CMTM8: variants seen among roughly 807,000 people sequenced by gnomAD.
The protein encoded by CMTM8 is CKLF-like MARVEL transmembrane domain-containing protein 8.
In CMTM8, 12 loss-of-function variants were observed where a neutral mutation model predicts 18.6. The ratio of observed to expected loss-of-function variants is 0.65; its 90% CI spans 0.41 to 1.05. CMTM8 has a LOEUF of 1.05. Ranked by LOEUF, CMTM8 falls within the 50% of genes least tolerant of loss-of-function variation. The pLI, the probability that CMTM8 is intolerant of heterozygous loss-of-function variation, is 0.00. For synonymous variants in CMTM8, 87 were observed against 90.6 expected, an observed-to-expected ratio of 0.96 and a Z score of 0.23; for missense variants, 217 against 227.2, an observed-to-expected ratio of 0.95 and a Z score of 0.29.
At chr3:32,260,867 C>A (rs1702247520) in intron 1 of CMTM8, among the ~76,000 whole-genome samples, 1 of 152,014 alleles carries the variant, frequency 6.6e-6, no homozygotes, top group African/African-American at 2.4e-5. Context: ...TCAGCTATTT[C>A]TTTGTCTCAG....
At chr3:32,290,449 T>A (rs1702760346) in intron 1 of CMTM8, among the ~76,000 whole-genome samples, 1 of 152,212 alleles carries the variant, frequency 6.6e-6, no homozygotes. Context: ...ATAATTCAAA[T>A]CACAATTTTG....
chr3:32,363,983 G>C (rs1033105532), intron 2 of CMTM8, among the ~76,000 whole-genome samples: 2 of 152,202 alleles, frequency 1.3e-5, no homozygotes, highest in Non-Finnish European at 2.9e-5. Context: ...CTTCTGTCAA[G>C]CATGAGTGTC....
intron 1 of CMTM8, among the ~76,000 whole-genome samples, chr3:32,285,174 A>G (rs1225545273): frequency 1.3e-5 from 2 of 152,188 alleles, no homozygotes; most frequent in African/African-American, 4.8e-5. Context: ...AGTAAAAAGC[A>G]GGGACCTTGC....
intron 1 of CMTM8, among the ~76,000 whole-genome samples, chr3:32,342,180 G>A (rs1372920504): frequency 1.3e-5 from 2 of 152,112 alleles, no homozygotes; most frequent in Non-Finnish European, 2.9e-5. Flanking sequence ...CCCAGGAGGC[G>A]GAGGTTGCAG....
chr3:32,281,419 C>T (rs2125550028), intron 1 of CMTM8, among the ~76,000 whole-genome samples: 1 of 152,176 alleles, frequency 6.6e-6, no homozygotes, highest in East Asian at 1.9e-4. Flanking sequence ...GGAGGGAAAT[C>T]TTACCTTTTT....
At chr3:32,308,424 C>G (rs1213170718) in intron 1 of CMTM8, among the ~76,000 whole-genome samples, 5 of 152,234 alleles carry the variant, frequency 3.3e-5, no homozygotes, top group Admixed American at 3.3e-4. Flanking sequence ...TGCAGGAGAG[C>G]TCTTGAGCAC....
intron 1 of CMTM8, among the ~76,000 whole-genome samples, chr3:32,327,122 A>AG (rs1354569462): frequency 6.6e-6 from 1 of 152,126 alleles, no homozygotes; most frequent in Non-Finnish European, 1.5e-5. Flanking sequence ...TTAAAAAAAA[A>AG]AAAAAATGGA....
At chr3:32,346,548 C>T (rs1305395800) in intron 1 of CMTM8, among the ~76,000 whole-genome samples, 1 of 152,188 alleles carries the variant, frequency 6.6e-6, no homozygotes, top group Non-Finnish European at 1.5e-5. Flanking sequence ...CAGCCACCTT[C>T]TTGCTGTGTC....
intron 1 of CMTM8, among the ~76,000 whole-genome samples, chr3:32,334,866 T>G (rs907614952): frequency 1.1e-4 from 16 of 152,120 alleles, no homozygotes; most frequent in African/African-American, 3.9e-4. Flanking sequence ...CGCTCATGCC[T>G]GCCCTCCACT....
intron 1 of CMTM8, among the ~76,000 whole-genome samples, chr3:32,273,075 A>G (rs1307526602): frequency 6.6e-6 from 1 of 152,066 alleles, no homozygotes; most frequent in Non-Finnish European, 1.5e-5. Context: ...AAGGATGGGT[A>G]TAATTAAAAA....
At chr3:32,262,879 C>T (rs928236363) in intron 1 of CMTM8, among the ~76,000 whole-genome samples, 1 of 151,998 alleles carries the variant, frequency 6.6e-6, no homozygotes, top group African/African-American at 2.4e-5. Flanking sequence ...TTTTCACACA[C>T]TCAGCAATGA....
At chr3:32,310,971 A>G (rs1695809074) in intron 1 of CMTM8, among the ~76,000 whole-genome samples, 1 of 152,258 alleles carries the variant, frequency 6.6e-6, no homozygotes, top group South Asian at 2.1e-4. Flanking sequence ...CTGTCTTTCA[A>G]CAAGTGAATG....
At chr3:32,330,590 A>C (rs1009811893) in intron 1 of CMTM8, among the ~76,000 whole-genome samples, 2 of 152,222 alleles carry the variant, frequency 1.3e-5, no homozygotes, top group Non-Finnish European at 2.9e-5. Flanking sequence ...AACAGAATAG[A>C]GAGCCCAGTA....
chr3:32,244,730 T>C (rs1478450935), intron 1 of CMTM8, among the ~76,000 whole-genome samples: 1 of 152,200 alleles, frequency 6.6e-6, no homozygotes. Flanking sequence ...AACTAATGTG[T>C]TTCTAGGGTT....
At position 32,363,939 on chromosome 3, in the gene CMTM8, T is replaced by C. The variant is rs114019643; in HGVS notation, c.322-3933T>C. The stretch of plus-strand genomic sequence containing the variant: ...GGGATTCTTAGCCAGCATCAGCCTG[T>C]ACCTTTTCCTCAGCCTTTGCCCAGA... On this transcript the variant is annotated intron_variant, in intron 2 of 3. Transcript: ENST00000307526. 3.6e-3 allele frequency among the ~76,000 whole-genome samples: 541 copies of C among 152,318 alleles called. 1 individual carries two copies. The highest frequency in any genetic ancestry group is 0.013 in the African/African-American group (520 of 41,552).
At chr3:32,296,495 C>T (rs1185076239) in intron 1 of CMTM8, among the ~76,000 whole-genome samples, 1 of 152,206 alleles carries the variant, frequency 6.6e-6, no homozygotes. Flanking sequence ...CCAGCCCAGT[C>T]GGAACCTGTT....
At chr3:32,306,649 C>A (rs796501936) in intron 1 of CMTM8, among the ~76,000 whole-genome samples, 6 of 152,244 alleles carry the variant, frequency 3.9e-5, no homozygotes, top group African/African-American at 1.2e-4. Context: ...ATTGCTGAGG[C>A]AAATGGTTAC....
At chr3:32,363,422 T>C (rs538816563) in intron 2 of CMTM8, among the ~76,000 whole-genome samples, 56 of 152,340 alleles carry the variant, frequency 3.7e-4, no homozygotes, top group African/African-American at 1.3e-3. Context: ...TGACATTGTA[T>C]ATGTTACATC....
At chr3:32,363,373 G>T (rs1270419965) in intron 2 of CMTM8, among the ~76,000 whole-genome samples, 2 of 152,176 alleles carry the variant, frequency 1.3e-5, no homozygotes, top group Admixed American at 6.5e-5. Context: ...GGTAAAAAGT[G>T]GGCAGTGGAG....
Sources: gnomAD v4.1 joint callset for allele counts (sites outside exome capture counted in the v4.1 genomes callset) on GRCh38, gnomAD v4.1.1 for gene constraint, MANE v1.5 for transcripts, NCBI Gene and HGNC (gene_info 2026-07-23, HGNC 2026-07-21) for gene names.